Variants in PCSK5 observed in about 807,000 individuals in gnomAD.
The protein encoded by PCSK5 is prohormone convertase 5.
In PCSK5, 129 loss-of-function variants were observed where a neutral mutation model predicts 233.2. The ratio of observed to expected loss-of-function variants is 0.55; its 90% CI spans 0.48 to 0.64. PCSK5 has a LOEUF of 0.64. PCSK5 is among the 30% of genes least tolerant of loss of function. The probability of loss-of-function intolerance (pLI) is 0.00; values close to 1 mark genes in which losing one functional copy is unlikely to be tolerated. For missense variants in PCSK5, 2,076 were observed against 2,430.1 expected, an observed-to-expected ratio of 0.85 and a Z score of 3.06; for synonymous variants, 825 against 879.2, an observed-to-expected ratio of 0.94 and a Z score of 1.09.
chr9:76,009,313 T>C (rs184360781), intron 3 of PCSK5, among the ~76,000 whole-genome samples: 2 of 152,222 alleles, frequency 1.3e-5, no homozygotes, highest in Admixed American at 1.3e-4. Flanking sequence ...TTAAATGAAT[T>C]GATGTTCTAC....
chr9:75,908,944 TATCTATCTATC>T (rs1257197138), intron 1 of PCSK5, among the ~76,000 whole-genome samples: 1 of 57,840 alleles, frequency 1.7e-5, no homozygotes, highest in African/African-American at 5.2e-5. Context: ...TCTCTCTGTC[TATCTATCTATC>T]TATCTATCTA....
In PCSK5 at chr9:76,360,550, T is replaced by C. The variant is rs1039271968; in HGVS notation, c.*1628T>C. On this transcript the variant is annotated 3_prime_UTR_variant, in exon 38 of 38. Coordinates refer to ENST00000674117, the MANE Select transcript of PCSK5 (RefSeq NM_001372043.1). ...TCTTTACTAAATTCATGGATTTTCT[T>C]TTTTTAACATAATGTATCACTGACA... 6.6e-6 allele frequency: 1 copy of C among 152,216 alleles called. No homozygotes were observed. The highest frequency in any genetic ancestry group is 2.4e-5 in the African/African-American group (1 of 41,454). 9.4% of individuals were successfully genotyped at this position (152,216 alleles called of 1,614,324 possible).
At chr9:76,256,420 A>C (rs1243727739) in intron 24 of PCSK5, among the ~76,000 whole-genome samples, 1 of 152,188 alleles carries the variant, frequency 6.6e-6, no homozygotes, top group Admixed American at 6.5e-5. Context: ...ACAAAAGCGG[A>C]GTGTGGTCGA....
intron 10 of PCSK5, among the ~76,000 whole-genome samples, chr9:76,141,156 A>C (rs1403253644): frequency 6.6e-6 from 1 of 152,138 alleles, no homozygotes; most frequent in Admixed American, 6.6e-5. Context: ...TATTTTGACT[A>C]TCAAGTAATG....
At chr9:76,025,176 G>T (rs180764787) in intron 4 of PCSK5, among the ~76,000 whole-genome samples, 4 of 152,190 alleles carry the variant, frequency 2.6e-5, no homozygotes, top group African/African-American at 9.6e-5. Flanking sequence ...TTCAGAAAGA[G>T]GAGCCTTTGA....
At chr9:76,046,675 C>T (rs1051503550) in intron 5 of PCSK5, among the ~76,000 whole-genome samples, 2 of 146,098 alleles carry the variant, frequency 1.4e-5, no homozygotes, top group African/African-American at 5.1e-5. Flanking sequence ...ATTCTCCTGT[C>T]TCAGCCTCCT....
intron 5 of PCSK5, among the ~76,000 whole-genome samples, chr9:76,043,335 C>CAAAAA (rs71372040): frequency 2.3e-4 from 15 of 64,004 alleles, no homozygotes; most frequent in South Asian, 7.3e-4. Flanking sequence ...GACTCCATCT[C>CAAAAA]AAAAAAAAAA....
At chr9:76,025,987 C>T (rs1828407276) in intron 4 of PCSK5, among the ~76,000 whole-genome samples, 1 of 152,008 alleles carries the variant, frequency 6.6e-6, no homozygotes, top group Non-Finnish European at 1.5e-5. Context: ...CCTGTAGTCT[C>T]ACCTACTCAG....
At chr9:76,233,933 T>C (rs983223810) in intron 22 of PCSK5, among the ~76,000 whole-genome samples, 1 of 152,052 alleles carries the variant, frequency 6.6e-6, no homozygotes, top group Admixed American at 6.6e-5. Context: ...AGTGAAGACC[T>C]GGGGAATTAA....
chr9:76,354,355 A>G, intron 37 of PCSK5, 136 bp downstream of exon 37: 1 of 650,272 alleles, frequency 1.5e-6, no homozygotes, highest in Non-Finnish European at 2.7e-6. Flanking sequence ...CTATGGGCCT[A>G]CTGTACTTGA....
intron 14 of PCSK5, among the ~76,000 whole-genome samples, chr9:76,177,277 A>T (rs1201146203): frequency 6.6e-6 from 1 of 152,152 alleles, no homozygotes; most frequent in Non-Finnish European, 1.5e-5. Context: ...CTGGGAACAG[A>T]GTGAGACTCA....
intron 2 of PCSK5, among the ~76,000 whole-genome samples, chr9:75,962,577 G>A (rs934773148): frequency 1.3e-5 from 2 of 152,226 alleles, no homozygotes; most frequent in African/African-American, 4.8e-5. Context: ...GCTGGAGTGT[G>A]TGCCTGGCTC....
At chr9:75,917,782 A>G (rs1306097749) in intron 1 of PCSK5, among the ~76,000 whole-genome samples, 2 of 152,232 alleles carry the variant, frequency 1.3e-5, no homozygotes, top group African/African-American at 4.8e-5. Flanking sequence ...TTTTTCTACT[A>G]AGATATCTGT....
At chr9:76,183,082 G>C (rs1823942132) in intron 16 of PCSK5, among the ~76,000 whole-genome samples, 1 of 152,136 alleles carries the variant, frequency 6.6e-6, no homozygotes. Flanking sequence ...GGAGACAGAA[G>C]GGGGCATAAA....
chr9:76,027,091 C>A, intron 5 of PCSK5, 54 bp downstream of exon 5: 1 of 1,089,592 alleles, frequency 9.2e-7, no homozygotes, highest in South Asian at 1.3e-5. Context: ...GCTTTGTTTT[C>A]TGCTCATACT....
intron 16 of PCSK5, among the ~76,000 whole-genome samples, chr9:76,182,475 T>C (rs1239572509): frequency 6.6e-6 from 1 of 151,664 alleles, no homozygotes; most frequent in Non-Finnish European, 1.5e-5. Flanking sequence ...GGAGACAAAA[T>C]TGAATAATTT....
At chr9:76,286,744 G>C (rs1828083846) in intron 24 of PCSK5, 1 of 161,182 alleles carries the variant, frequency 6.2e-6, no homozygotes, top group Non-Finnish European at 1.3e-5. Context: ...ATTGGCAGAT[G>C]CATCTGCTGC....
chr9:76,157,860 G>A (rs1021739506), intron 11 of PCSK5, among the ~76,000 whole-genome samples: 1 of 152,220 alleles, frequency 6.6e-6, no homozygotes, highest in African/African-American at 2.4e-5. Flanking sequence ...AGGGTGGAAA[G>A]TTAACCAGTG....
chr9:75,967,912 G>A lies in PCSK5; in HGVS notation c.298-18220G>A, dbSNP rs1050044885. On this transcript the variant is annotated intron_variant, in intron 2 of 37. Coordinates refer to ENST00000674117, the MANE Select transcript of PCSK5 (RefSeq NM_001372043.1). Reference sequence around the variant, plus strand: ...TGAATAGCTGGGATTACAGGCATGCGCCACCACGCCTAGCTAATTTTGTAT... The same window carrying A: ...TGAATAGCTGGGATTACAGGCATGCACCACCACGCCTAGCTAATTTTGTAT... 4.4e-4 allele frequency among the ~76,000 whole-genome samples: 67 copies of A among 152,248 alleles called. 1 individual carries two copies. Among genetic ancestry groups the A allele is most frequent in the Middle Eastern group, 3.4e-3 (1 of 294 alleles).
Sources: gnomAD v4.1 joint callset for allele counts (sites outside exome capture counted in the v4.1 genomes callset) on GRCh38, gnomAD v4.1.1 for gene constraint, MANE v1.5 for transcripts, NCBI Gene and HGNC (gene_info 2026-07-23, HGNC 2026-07-21) for gene names.